Variants in PRMT9 observed in about 807,000 individuals in gnomAD.
PRMT9 encodes protein arginine N-methyltransferase 9.
Under a neutral mutation model 83.2 loss-of-function variants are expected in PRMT9, and 59 were observed. The ratio of observed to expected loss-of-function variants is 0.71; its 90% CI spans 0.57 to 0.88. The LOEUF (loss-of-function observed/expected upper bound fraction) is 0.88, where lower values mean the gene tolerates loss of function less well. PRMT9 is among the 40% of genes least tolerant of loss of function. PRMT9 has a pLI of 0.00. For synonymous variants in PRMT9, 333 were observed against 353.2 expected, an observed-to-expected ratio of 0.94 and a Z score of 0.64; for missense variants, 947 against 1,021.9, an observed-to-expected ratio of 0.93 and a Z score of 1.00.
At chr4:147,648,697 G>A (rs1733897509) in intron 9 of PRMT9, among the ~76,000 whole-genome samples, 1 of 152,152 alleles carries the variant, frequency 6.6e-6, no homozygotes, top group South Asian at 2.1e-4. Flanking sequence ...CTGTGGAACT[G>A]AGCCCTCAAC....
rs760225664 is a variant in PRMT9 at position 147,684,007 on chromosome 4, G to GATCA, written c.-21_-20insTGAT. 14 of 1,610,388 alleles carry GATCA rather than the reference G, an allele frequency of 8.7e-6. No homozygotes were observed. The East Asian group carries it at 2.9e-4, about 34-fold the overall frequency. ...CGACATGGCAGTCACCACTTGTATG[G>GATCA]CCAAAGGGAAGATATTTTGTAAACG... On this transcript the variant is annotated 5_prime_UTR_variant, in exon 1 of 12. Transcript: ENST00000322396.
At position 147,641,607 on chromosome 4, in the gene PRMT9, C is replaced by T. The variant is rs113939910; in HGVS notation, c.2199+1180G>A. On this transcript the variant is annotated intron_variant, in intron 10 of 11. Transcript: ENST00000322396. ...TCTTCCAATGTAAATGCTAAATCCA[C>T]GAGAGAGTAAACTTCTCTCTTTATT... Among the ~76,000 whole-genome samples, 933 of 152,274 alleles carry T rather than the reference C, an allele frequency of 6.1e-3. 11 individuals carry two copies. The highest frequency in any genetic ancestry group is 0.021 in the African/African-American group (867 of 41,550).
intron 11 of PRMT9, 27 bp downstream of exon 11, chr4:147,638,933 C>A: frequency 5.0e-6 from 8 of 1,600,506 alleles, no homozygotes; most frequent in Non-Finnish European, 6.8e-6. Flanking sequence ...CAATAACAAA[C>A]GAAATCATTT....
In PRMT9 at chr4:147,640,920, C is replaced by G. The variant is rs1733355386; in HGVS notation, c.2200-1838G>C. On this transcript the variant is annotated intron_variant, in intron 10 of 11. Transcript: ENST00000322396. The stretch of plus-strand genomic sequence containing the variant: ...TAGAGAGACAGTCTCACTTTGTTGC[C>G]CAGGCTGGTCTTGAACTCCTGGGCC... Among the ~76,000 whole-genome samples, 3 of 152,032 alleles carry G rather than the reference C, an allele frequency of 2.0e-5. No individual in the cohort carries two copies. The South Asian group carries it at 6.2e-4, about 32-fold the overall frequency.
At chr4:147,664,284 G>A (rs1021881393) in intron 6 of PRMT9, among the ~76,000 whole-genome samples, 3 of 152,106 alleles carry the variant, frequency 2.0e-5, no homozygotes, top group Non-Finnish European at 4.4e-5. Context: ...CTCCAACCAG[G>A]GCAACACAGC....
intron 10 of PRMT9, 23 bp downstream of exon 10, chr4:147,642,763 TG>T (rs747748543): frequency 6.2e-6 from 10 of 1,604,032 alleles, no homozygotes; most frequent in South Asian, 1.1e-5. Flanking sequence ...GCATCCTGGT[TG>T]AACTTCTCCT....
At chr4:147,645,713 T>TCTG (rs2126576387) in intron 9 of PRMT9, among the ~76,000 whole-genome samples, 1 of 152,286 alleles carries the variant, frequency 6.6e-6, no homozygotes, top group Non-Finnish European at 1.5e-5. Context: ...AAGGAAACAG[T>TCTG]CTGCTCTTGT....
rs866809325 is a variant in PRMT9 at position 147,638,253 on chromosome 4, A to G, written c.*279T>C. The G allele has an allele frequency of 7.2e-6, 3 of 417,056 alleles. No individual in the cohort carries two copies. Among genetic ancestry groups the G allele is most frequent in the Middle Eastern group, 7.2e-4 (1 of 1,398 alleles). The allele number at this position is 417,056 out of a possible 1,614,324, so 25.8% of individuals were successfully genotyped here. On this transcript the variant is annotated 3_prime_UTR_variant, in exon 12 of 12. Coordinates refer to ENST00000322396, the MANE Select transcript of PRMT9 (RefSeq NM_138364.4). ...GCTTTACTTACACATGTCAATAACGATAAGACTTTTAAAATCCCTATTCTG... is the reference window on the plus strand; with the variant it reads ...GCTTTACTTACACATGTCAATAACGGTAAGACTTTTAAAATCCCTATTCTG...
At chr4:147,678,248 G>T (rs1176996129) in intron 2 of PRMT9, among the ~76,000 whole-genome samples, 1 of 152,130 alleles carries the variant, frequency 6.6e-6, no homozygotes, top group African/African-American at 2.4e-5. Context: ...TTTTTAGCTG[G>T]ATGTGATTTG....
intron 6 of PRMT9, among the ~76,000 whole-genome samples, 168 bp downstream of exon 6, chr4:147,668,371 G>T (rs1251493294): frequency 6.6e-6 from 1 of 152,022 alleles, no homozygotes; most frequent in East Asian, 1.9e-4. Context: ...CCCATAACCT[G>T]CCTGCTGCCA....
rs559445381 is a variant in PRMT9, at chr4:147,671,725, T to C, written c.744-982A>G. 145 of 388,090 alleles carry C rather than the reference T, an allele frequency of 3.7e-4. 1 individual carries two copies. Among genetic ancestry groups the C allele is most frequent in the South Asian group, 2.8e-3 (143 of 51,218 alleles). 24.0% of individuals were successfully genotyped at this position (388,090 alleles called of 1,614,324 possible). A position where few individuals can be genotyped will look rare whatever the true frequency, so the allele number is the denominator to read the frequency against. On this transcript the variant is annotated intron_variant, in intron 4 of 11. Transcript: ENST00000322396. ...TTTGCTTAAGGTCAAAATAAATTAA[T>C]AATAGTCTAATCTGGAATCCATAGC...
In PRMT9 at chr4:147,654,115, C is replaced by A. The variant is rs1734313144; in HGVS notation, c.1782G>T (p.Leu594=). 3 of 1,614,056 alleles carry A rather than the reference C, an allele frequency of 1.9e-6. No homozygotes were observed. The highest frequency in any genetic ancestry group is 2.2e-5 in the East Asian group (1 of 44,900). ...VLDVSEGFSV[L]PVIAGTLGQV... is the part of the protein sequence containing the mutation. ...GCCCAAGTGTGCCAGCAATAACAGGCAGAACAGAGAAGCCTTCGGACACAT... is the reference window on the plus strand; with the variant it reads ...GCCCAAGTGTGCCAGCAATAACAGGAAGAACAGAGAAGCCTTCGGACACAT... Residue 594 remains leucine (L), a synonymous_variant, in exon 9 of 12, where the codon CTG becomes CTT. Coordinates refer to ENST00000322396, the MANE Select transcript of PRMT9 (RefSeq NM_138364.4).
intron 2 of PRMT9, among the ~76,000 whole-genome samples, chr4:147,675,726 T>C (rs916291490): frequency 8.5e-5 from 13 of 152,234 alleles, no homozygotes; most frequent in African/African-American, 2.4e-4. Context: ...ATCACTGATA[T>C]GATACAACGT....
chr4:147,667,925 T>C (rs1477111898), intron 6 of PRMT9, among the ~76,000 whole-genome samples: 1 of 151,834 alleles, frequency 6.6e-6, no homozygotes, highest in Non-Finnish European at 1.5e-5. Flanking sequence ...GAGTCCTAAG[T>C]TGTATCAAAA....
intron 7 of PRMT9, among the ~76,000 whole-genome samples, chr4:147,658,278 G>A (rs1734676643): frequency 6.6e-6 from 1 of 151,682 alleles, no homozygotes; most frequent in African/African-American, 2.4e-5. Flanking sequence ...AGATTGTTTT[G>A]TTTAGAAAAT....
rs769994311 is a variant in PRMT9, at chr4:147,680,448, G to A, written c.213C>T (p.Phe71=). The stretch of plus-strand genomic sequence containing the variant: ...GAGCATCAAGCTCTTCAGCCCATCT[G>A]AAAAGTGTGTACTGAAAAGTTTCCT... ...DVKETFQYTL[F]RWAEELDALS... The change falls in exon 2 of 12, where the codon TTC becomes TTT. Residue 71 remains phenylalanine (F), a synonymous_variant. Transcript: ENST00000322396. 1.2e-6 allele frequency: 2 copies of A among 1,613,808 alleles called. No homozygotes were observed. The highest frequency in any genetic ancestry group is 2.7e-5 in the African/African-American group (2 of 74,908).
At chr4:147,658,294 G>C (rs559276738) in intron 7 of PRMT9, among the ~76,000 whole-genome samples, 1 of 151,870 alleles carries the variant, frequency 6.6e-6, no homozygotes, top group Admixed American at 6.6e-5. Context: ...AAAATAGAGG[G>C]GGATGGAGGG....
rs759836918 is a variant in PRMT9 at position 147,661,044 on chromosome 4, G to T, written c.954-6C>A. The T allele has an allele frequency of 6.3e-7, 1 of 1,598,208 alleles. No homozygotes were observed. Among genetic ancestry groups the T allele is most frequent in the African/African-American group, 1.3e-5 (1 of 74,654 alleles). On this transcript the variant is annotated splice_region_variant and splice_polypyrimidine_tract_variant and intron_variant, in intron 6 of 11. Transcript: ENST00000322396. ...CAATGTCCTTAATACCCACTCTGGA[G>T]AGAGAGAAAATAGGGGAGGGGTAGG... is the stretch of plus-strand genomic sequence containing the variant.
rs545811293 is a variant in PRMT9, at chr4:147,663,758, G to A, written c.954-2720C>T. ...TAAAAAGTCCACCTTCACAGTACTC[G>A]TCCTCTCATTTCTTCACTGTTAAAA... is the stretch of plus-strand genomic sequence containing the variant. On this transcript the variant is annotated intron_variant, in intron 6 of 11. Coordinates refer to ENST00000322396, the MANE Select transcript of PRMT9 (RefSeq NM_138364.4). Among the ~76,000 whole-genome samples the A allele has an allele frequency of 1.3e-3, 193 of 152,082 alleles. 1 individual carries two copies. The highest frequency in any genetic ancestry group is 4.5e-3 in the African/African-American group (187 of 41,498).
Sources: allele counts gnomAD v4.1 joint callset (sites outside exome capture counted in the v4.1 genomes callset), GRCh38; gene constraint gnomAD v4.1.1; transcripts MANE v1.5; gene names NCBI Gene and HGNC (gene_info 2026-07-23, HGNC 2026-07-21).